The following TNFRSF14 variants were observed in gnomAD, a reference collection of about 807,000 sequenced individuals.
TNFRSF14 encodes TNF receptor superfamily member 14, also known as tumor necrosis factor receptor superfamily member 14.
In TNFRSF14, 18 loss-of-function variants were observed where a neutral mutation model predicts 34.1. The ratio of observed to expected loss-of-function variants is 0.53; its 90% CI spans 0.36 to 0.78. The LOEUF is 0.78. Ranked by LOEUF, TNFRSF14 falls within the 30% of genes least tolerant of loss-of-function variation. The pLI is 0.00. For missense variants in TNFRSF14, 352 were observed against 379.5 expected (o/e 0.93, Z 0.60); for synonymous variants, 157 against 153.2 (o/e 1.02, Z -0.18).
At chr1:2,559,637 C>G in intron 3 of TNFRSF14, 186 bp from the exon 4 acceptor site, 2 of 1,534,888 alleles carry the variant, frequency 1.3e-6, no homozygotes, top group Non-Finnish European at 1.7e-6. Flanking sequence ...TCTGCCGTCC[C>G]TTGGTGTCCC....
At chr1:2,559,601 C>T (rs1171010385) in intron 3 of TNFRSF14, 4 of 1,533,160 alleles carry the variant, frequency 2.6e-6, no homozygotes, top group East Asian at 2.5e-5. Context: ...CAGGACCTTC[C>T]TGCAAGCCCT....
At chr1:2,562,811 G>A in intron 6 of TNFRSF14, 54 bp from the exon 7 acceptor site, 6 of 1,612,152 alleles carry the variant, frequency 3.7e-6, no homozygotes, top group Non-Finnish European at 5.1e-6. Flanking sequence ...CCATGAGCCT[G>A]TGTCCCCTGA....
chr1:2,562,743 G>A (rs1447016272), intron 6 of TNFRSF14, 122 bp from the exon 7 acceptor site: 1 of 1,286,454 alleles, frequency 7.8e-7, no homozygotes, highest in Non-Finnish European at 1.1e-6. Context: ...AGTCCCTTGG[G>A]GACGGTCTCC....
chr1:2,560,649 T>C lies in TNFRSF14; in HGVS notation c.486T>C (p.Cys162=). The stretch of plus-strand genomic sequence containing the variant: ...GCACCGAGAGTCAGGACACCCTGTG[T>C]CAGAACTGCCCCCCGGGGACCTTCT... The part of the protein sequence containing the change: ...KGGTESQDTL[C]QNCPPGTFSP... Residue 162 remains cysteine (C), a synonymous_variant, in exon 5 of 8, where the codon TGT becomes TGC. Transcript: ENST00000355716. 5.6e-6 allele frequency: 9 copies of C among 1,613,110 alleles called. No individual in the cohort carries two copies. Among genetic ancestry groups the C allele is most frequent in the Non-Finnish European group, 7.6e-6 (9 of 1,179,832 alleles).
Position 2,563,338 on chromosome 1 carries a change from A to G in TNFRSF14, c.*65A>G. On this transcript the variant is annotated 3_prime_UTR_variant, in exon 8 of 8. Transcript: ENST00000355716. The stretch of plus-strand genomic sequence containing the variant: ...CGACGGCTGCTGAAAGAGGCTGTCC[A>G]CCTGGCGGAACCACCGGAGCCCGGA... The G allele has an allele frequency of 1.3e-6, 2 of 1,592,658 alleles. No individual in the cohort carries two copies. The highest frequency in any genetic ancestry group is 1.7e-6 in the Non-Finnish European group (2 of 1,166,828).
At chr1:2,560,074 C>T (rs1644285649) in intron 4 of TNFRSF14, 96 bp downstream of exon 4, 1 of 1,438,776 alleles carries the variant, frequency 7.0e-7, no homozygotes. Context: ...CATGGCCTGC[C>T]CAGGGGCCCT....
chr1:2,556,386 C>T lies in TNFRSF14; in HGVS notation c.-279C>T, dbSNP rs1250094716. ...CGCCTCCTTCATACCGGCCCTTCCC[C>T]TCGGCTTTGCCTGGACAGCTCCTGC... On this transcript the variant is annotated 5_prime_UTR_variant, in exon 1 of 8. Coordinates refer to ENST00000355716, the MANE Select transcript of TNFRSF14 (RefSeq NM_003820.4). 3.0e-6 allele frequency: 2 copies of T among 671,350 alleles called. No homozygotes were observed. The highest frequency in any genetic ancestry group is 3.5e-5 in the African/African-American group (2 of 56,700). 41.6% of individuals were successfully genotyped at this position (671,350 alleles called of 1,614,324 possible). A position where few individuals can be genotyped will look rare whatever the true frequency, so the allele number is the denominator to read the frequency against.
chr1:2,560,968 C>T, intron 5 of TNFRSF14: 1 of 501,800 alleles, frequency 2.0e-6, no homozygotes, highest in Non-Finnish European at 3.5e-6. Context: ...TTCCCAGAAG[C>T]AGGCCCAGAG....
rs770737647 is a variant in TNFRSF14 at position 2,556,546 on chromosome 1, G to A, written c.-119G>A. The A allele has an allele frequency of 4.8e-6, 5 of 1,042,824 alleles. No homozygotes were observed. Among genetic ancestry groups the A allele is most frequent in the Non-Finnish European group, 7.3e-6 (5 of 684,792 alleles). The allele number at this position is 1,042,824 out of a possible 1,614,324, so 64.6% of individuals were successfully genotyped here. A position where few individuals can be genotyped will look rare whatever the true frequency, so the allele number is the denominator to read the frequency against. On this transcript the variant is annotated 5_prime_UTR_variant, in exon 1 of 8. Coordinates refer to ENST00000355716, the MANE Select transcript of TNFRSF14 (RefSeq NM_003820.4). ...GAGGCACAGCTTGTCACACCGAGGC[G>A]GATTCTCTTTCTCTTTCTCTTTCTC...
chr1:2,560,849 G>A, intron 5 of TNFRSF14, 135 bp downstream of exon 5: 1 of 731,688 alleles, frequency 1.4e-6, no homozygotes, highest in Non-Finnish European at 2.3e-6. Context: ...TCACATGCCT[G>A]CGTCCAGGAG....
chr1:2,558,939 G>A, intron 3 of TNFRSF14: 3 of 1,365,648 alleles, frequency 2.2e-6, no homozygotes, highest in Non-Finnish European at 2.9e-6. Context: ...GTGCCCACCT[G>A]AGTCCAGGCA....
Position 2,556,600 on chromosome 1 carries a change from T to C in TNFRSF14, c.-65T>C. ...TGGCCCACAGCCGCAGCAATGGCGCTGAGTTCCTCTGCTGGAGTTCATCCT... is the reference window on the plus strand; with the variant it reads ...TGGCCCACAGCCGCAGCAATGGCGCCGAGTTCCTCTGCTGGAGTTCATCCT... On this transcript the variant is annotated 5_prime_UTR_variant, in exon 1 of 8. Coordinates refer to ENST00000355716, the MANE Select transcript of TNFRSF14 (RefSeq NM_003820.4). The C allele has an allele frequency of 6.7e-7, 1 of 1,487,878 alleles. No individual in the cohort carries two copies. The highest frequency in any genetic ancestry group is 9.3e-7 in the Non-Finnish European group (1 of 1,079,000). The allele number at this position is 1,487,878 out of a possible 1,614,324, so 92.2% of individuals were successfully genotyped here.
chr1:2,556,153 TCAG>T, upstream of TNFRSF14: 1 of 393,678 alleles, frequency 2.5e-6, no homozygotes, highest in Non-Finnish European at 5.0e-6. Flanking sequence ...TTTACCCTGT[TCAG>T]CAGAAGCTGA....
rs1362604935 is a variant in TNFRSF14 at position 2,560,731 on chromosome 1, G to A, written c.551+17G>A. ...CCAGACCAAGTAAGTGAACCCGGGG[G>A]AGGCCCAGCTCTGTGCCCTGGGGAG... On this transcript the variant is annotated intron_variant, in intron 5 of 7. Transcript: ENST00000355716. 3 of 1,611,458 alleles carry A rather than the reference G, an allele frequency of 1.9e-6. No homozygotes were observed. Among genetic ancestry groups the A allele is most frequent in the Non-Finnish European group, 2.5e-6 (3 of 1,178,598 alleles).
chr1:2,560,296 A>G (rs1329910023), intron 4 of TNFRSF14, among the ~76,000 whole-genome samples: 1 of 152,102 alleles, frequency 6.6e-6, no homozygotes, highest in Non-Finnish European at 1.5e-5. Context: ...GACCATGGTT[A>G]ATGCCACTGT....
chr1:2,559,250 C>A (rs984005730), intron 3 of TNFRSF14: 1 of 1,369,464 alleles, frequency 7.3e-7, no homozygotes, highest in Non-Finnish European at 9.6e-7. Flanking sequence ...AACCTGCATG[C>A]CCAGTTCCAT....
upstream of TNFRSF14, chr1:2,556,175 C>T (rs537216200): frequency 2.4e-6 from 1 of 408,548 alleles, no homozygotes; most frequent in South Asian, 2.1e-5. Context: ...GAGATGGGAA[C>T]AGGAAACCCA....
intron 5 of TNFRSF14, 74 bp downstream of exon 5, chr1:2,560,788 C>T (rs1003933407): frequency 1.6e-5 from 22 of 1,388,316 alleles, no homozygotes; most frequent in South Asian, 3.6e-5. Flanking sequence ...GGGAGATGAC[C>T]GTCTTCTCCA....
In TNFRSF14 at chr1:2,556,433, T is replaced by G. The variant is rs569308986; in HGVS notation, c.-232T>G. 4 of 696,060 alleles carry G rather than the reference T, an allele frequency of 5.7e-6. No individual in the cohort carries two copies. In the African/African-American group the frequency reaches 7.0e-5, roughly 12 times the overall value. 43.1% of individuals were successfully genotyped at this position (696,060 alleles called of 1,614,324 possible). On this transcript the variant is annotated 5_prime_UTR_variant, in exon 1 of 8. Coordinates refer to ENST00000355716, the MANE Select transcript of TNFRSF14 (RefSeq NM_003820.4). ...CTGCCTCCCGCAGGGCCCACCTGTG[T>G]CCCCCAGCGCCGCTCCACCCAGCAG...
Sources: gnomAD v4.1 joint callset for allele counts (sites outside exome capture counted in the v4.1 genomes callset) on GRCh38, gnomAD v4.1.1 for gene constraint, MANE v1.5 for transcripts, NCBI Gene and HGNC (gene_info 2026-07-23, HGNC 2026-07-21) for gene names.